Variants in CDKAL1 observed in about 807,000 individuals in gnomAD.
The protein encoded by CDKAL1 is CDKAL1 threonylcarbamoyladenosine tRNA methylthiotransferase.
Under a neutral mutation model 68.2 loss-of-function variants are expected in CDKAL1, and 32 were observed. The observed-to-expected ratio is 0.47, with a 90% CI of 0.35 to 0.63. CDKAL1 has a LOEUF of 0.63. CDKAL1 is among the 30% of genes least tolerant of loss of function. CDKAL1 has a pLI of 0.00. For missense variants in CDKAL1, 606 were observed against 696.7 expected (o/e 0.87, Z 1.47); for synonymous variants, 234 against 244.3 (o/e 0.96, Z 0.39).
chr6:21,132,022 A>G (rs990743625), intron 13 of CDKAL1, among the ~76,000 whole-genome samples: 2 of 152,176 alleles, frequency 1.3e-5, no homozygotes, highest in Non-Finnish European at 2.9e-5. Flanking sequence ...ATCAAGTGTT[A>G]TTTTCACCTA....
At chr6:20,921,383 C>T (rs1253309647) in intron 9 of CDKAL1, among the ~76,000 whole-genome samples, 1 of 152,146 alleles carries the variant, frequency 6.6e-6, no homozygotes, top group Non-Finnish European at 1.5e-5. Flanking sequence ...GAGCCAAGTG[C>T]ACCACTGCAC....
intron 5 of CDKAL1, among the ~76,000 whole-genome samples, chr6:20,663,386 C>CT (rs1227151078): frequency 6.6e-6 from 1 of 152,066 alleles, no homozygotes; most frequent in Non-Finnish European, 1.5e-5. Flanking sequence ...ATTTATCTTT[C>CT]TATCATTTAT....
intron 4 of CDKAL1, among the ~76,000 whole-genome samples, chr6:20,563,863 T>A (rs1437048111): frequency 6.6e-6 from 1 of 152,168 alleles, no homozygotes; most frequent in African/African-American, 2.4e-5. Flanking sequence ...ATATAAAAAT[T>A]TGTTCATTGC....
chr6:21,198,499 C>T (rs139049582), intron 14 of CDKAL1, among the ~76,000 whole-genome samples: 23 of 152,318 alleles, frequency 1.5e-4, no homozygotes, highest in African/African-American at 5.5e-4. Flanking sequence ...CTCGCTGGTA[C>T]ATCACCCGGA....
rs55839331 is a variant in CDKAL1, at chr6:21,003,371, T to TACACACACACACACACACACACAC, written c.1055+3018_1055+3019insCACACACACACACACACACACACA. 2.7e-3 allele frequency among the ~76,000 whole-genome samples: 133 copies of TACACACACACACACACACACACAC among 49,284 alleles called. 8 individuals are homozygous for TACACACACACACACACACACACAC. The highest frequency in any genetic ancestry group is 0.012 in the African/African-American group (111 of 9,156). 32.3% of individuals were successfully genotyped at this position (49,284 alleles called of 152,430 possible). Reference sequence around the variant, plus strand: ...ATATATATATATATATATATATATATACACACACACACACACACATATATA... The same window carrying TACACACACACACACACACACACAC: ...ATATATATATATATATATATATATATACACACACACACACACACACACACACACACACACACACACACATATATA... On this transcript the variant is annotated intron_variant, in intron 11 of 15. Coordinates refer to ENST00000274695, the MANE Select transcript of CDKAL1 (RefSeq NM_017774.3).
chr6:20,732,275 T>C (rs1176806611), intron 5 of CDKAL1, among the ~76,000 whole-genome samples: 1 of 127,850 alleles, frequency 7.8e-6, no homozygotes, highest in Admixed American at 8.0e-5. Context: ...TTTTTTTTTT[T>C]TTTTTTTTTT....
intron 5 of CDKAL1, among the ~76,000 whole-genome samples, chr6:20,709,766 A>C (rs1364347371): frequency 1.3e-5 from 2 of 152,068 alleles, no homozygotes; most frequent in Non-Finnish European, 2.9e-5. Flanking sequence ...TCATCCTTCA[A>C]GCTATTATTT....
chr6:21,070,560 G>T (rs1449812471), intron 12 of CDKAL1, among the ~76,000 whole-genome samples: 1 of 151,658 alleles, frequency 6.6e-6, no homozygotes, highest in African/African-American at 2.4e-5. Context: ...TATTTATCCT[G>T]CTTGAGGATT....
intron 9 of CDKAL1, among the ~76,000 whole-genome samples, chr6:20,860,833 A>T (rs1418985900): frequency 6.6e-6 from 1 of 152,258 alleles, no homozygotes; most frequent in African/African-American, 2.4e-5. Context: ...CAAAAAAAAA[A>T]AATACTTGCT....
intron 4 of CDKAL1, among the ~76,000 whole-genome samples, chr6:20,579,906 G>A (rs999305284): frequency 6.6e-6 from 1 of 152,182 alleles, no homozygotes. Flanking sequence ...TTTTGTAGGG[G>A]AGGGAAGGAT....
intron 5 of CDKAL1, among the ~76,000 whole-genome samples, chr6:20,678,040 C>T (rs979973645): frequency 6.8e-6 from 1 of 148,110 alleles, no homozygotes; most frequent in African/African-American, 2.5e-5. Context: ...AAGGTGTATT[C>T]TCTTCTCTGT....
intron 9 of CDKAL1, among the ~76,000 whole-genome samples, chr6:20,891,949 C>G (rs1216366910): frequency 2.0e-5 from 3 of 151,850 alleles, no homozygotes; most frequent in Non-Finnish European, 4.4e-5. Context: ...ACTCTACTTT[C>G]AATTACTGCA....
intron 5 of CDKAL1, among the ~76,000 whole-genome samples, chr6:20,724,242 T>C (rs1341827214): frequency 1.3e-5 from 2 of 152,024 alleles, no homozygotes; most frequent in Non-Finnish European, 2.9e-5. Flanking sequence ...CCAGCCACTT[T>C]TGTATTATTT....
intron 5 of CDKAL1, among the ~76,000 whole-genome samples, chr6:20,688,225 A>G (rs1250222850): frequency 7.3e-6 from 1 of 137,012 alleles, no homozygotes; most frequent in African/African-American, 2.8e-5. Flanking sequence ...TTTGGTTTTT[A>G]TCCTGCTTGG....
intron 15 of CDKAL1, among the ~76,000 whole-genome samples, chr6:21,215,516 C>G (rs1175653373): frequency 6.6e-6 from 1 of 152,204 alleles, no homozygotes; most frequent in African/African-American, 2.4e-5. Flanking sequence ...TTTTCTACGT[C>G]CCCAGAAGAC....
chr6:20,802,199 G>A (rs1776392882), intron 8 of CDKAL1, among the ~76,000 whole-genome samples: 1 of 151,916 alleles, frequency 6.6e-6, no homozygotes, highest in Non-Finnish European at 1.5e-5. Context: ...TCGGGAGGCT[G>A]AGGCAGGAGA....
intron 12 of CDKAL1, among the ~76,000 whole-genome samples, chr6:21,092,179 C>T (rs1773064780): frequency 1.4e-5 from 2 of 147,090 alleles, no homozygotes; most frequent in Non-Finnish European, 3.0e-5. Flanking sequence ...AGCCACTGCG[C>T]CTGGCCAGGC....
At chr6:20,827,402 T>C (rs1213027592) in intron 8 of CDKAL1, among the ~76,000 whole-genome samples, 2 of 152,218 alleles carry the variant, frequency 1.3e-5, no homozygotes, top group East Asian at 3.8e-4. Context: ...TGTTTATCTT[T>C]GTGATGGTCT....
At chr6:21,136,242 A>T (rs897240141) in intron 13 of CDKAL1, among the ~76,000 whole-genome samples, 2 of 152,226 alleles carry the variant, frequency 1.3e-5, no homozygotes, top group Non-Finnish European at 2.9e-5. Context: ...ATGTGTTTGT[A>T]ATAGGACTCA....
Sources: allele counts gnomAD v4.1 joint callset (sites outside exome capture counted in the v4.1 genomes callset), GRCh38; gene constraint gnomAD v4.1.1; transcripts MANE v1.5; gene names NCBI Gene and HGNC (gene_info 2026-07-23, HGNC 2026-07-21).